Variants in CCPG1 observed in about 807,000 individuals in gnomAD.
The protein encoded by CCPG1 is cell cycle progression protein 1.
In CCPG1, 46 loss-of-function variants were observed where a neutral mutation model predicts 81.3. The ratio of observed to expected loss-of-function variants is 0.57; its 90% CI spans 0.45 to 0.72. The LOEUF is 0.72. CCPG1 is among the 30% of genes least tolerant of loss of function. The pLI is 0.00. For missense variants in CCPG1, 902 were observed against 937.6 expected (o/e 0.96, Z 0.50); for synonymous variants, 330 against 305.2 (o/e 1.08, Z -0.85).
At chr15:55,385,027 CT>C (rs2056772061) in intron 3 of CCPG1, among the ~76,000 whole-genome samples, 1 of 152,110 alleles carries the variant, frequency 6.6e-6, no homozygotes, top group Non-Finnish European at 1.5e-5. Context: ...CCATGAAACA[CT>C]TTTTTTGTCA....
At chr15:55,392,233 G>C (rs1182081984) in intron 1 of CCPG1, among the ~76,000 whole-genome samples, 88 of 122,656 alleles carry the variant, frequency 7.2e-4, no homozygotes, top group African/African-American at 2.5e-3. Context: ...TTTTTTTTGA[G>C]ACGGAGTCTC....
intron 1 of CCPG1, among the ~76,000 whole-genome samples, chr15:55,393,964 T>C (rs946665194): frequency 1.3e-5 from 2 of 152,170 alleles, no homozygotes; most frequent in Non-Finnish European, 2.9e-5. Context: ...TGTACTTTCA[T>C]TTTCAATAAA....
intron 1 of CCPG1, among the ~76,000 whole-genome samples, chr15:55,393,747 C>T (rs559362224): frequency 4.0e-5 from 6 of 150,774 alleles, no homozygotes; most frequent in Admixed American, 2.0e-4. Flanking sequence ...AACATTAGGC[C>T]GATTCACACT....
At chr15:55,389,603 G>A (rs1187375440) in intron 1 of CCPG1, among the ~76,000 whole-genome samples, 170 bp from the exon 2 acceptor site, 3 of 152,162 alleles carry the variant, frequency 2.0e-5, no homozygotes, top group Non-Finnish European at 4.4e-5. Flanking sequence ...ATACCTGTAT[G>A]AACAGATAGA....
chr15:55,398,736 C>T (rs1199493602), intron 1 of CCPG1, among the ~76,000 whole-genome samples: 1 of 152,036 alleles, frequency 6.6e-6, no homozygotes, highest in Non-Finnish European at 1.5e-5. Flanking sequence ...TGCGCACCAC[C>T]ATGCCGAGCT....
At chr15:55,358,331 T>C (rs926623166) in intron 8 of CCPG1, 2 of 973,900 alleles carry the variant, frequency 2.1e-6, no homozygotes, top group African/African-American at 3.5e-5. Context: ...ACTGGGGGTC[T>C]TGGAACATAT....
At chr15:55,377,217 A>G in intron 4 of CCPG1, 67 bp from the exon 5 acceptor site, 1 of 1,063,300 alleles carries the variant, frequency 9.4e-7, no homozygotes, top group Non-Finnish European at 1.4e-6. Flanking sequence ...TTTTCTTAGA[A>G]TACAACAGTA....
intron 1 of CCPG1, among the ~76,000 whole-genome samples, chr15:55,398,926 A>G (rs749755505): frequency 1.8e-4 from 27 of 152,136 alleles, no homozygotes; most frequent in Non-Finnish European, 3.1e-4. Context: ...ACATATGAAA[A>G]TATTTTAAAT....
intron 3 of CCPG1, among the ~76,000 whole-genome samples, chr15:55,380,590 C>G (rs1187998238): frequency 6.6e-6 from 1 of 151,716 alleles, no homozygotes; most frequent in Non-Finnish European, 1.5e-5. Context: ...CTACCGCGCC[C>G]GGTCGATCAT....
intron 2 of CCPG1, among the ~76,000 whole-genome samples, chr15:55,388,787 T>C (rs899509184): frequency 2.8e-5 from 4 of 142,196 alleles, no homozygotes; most frequent in African/African-American, 7.9e-5. Context: ...AAAGACAAAA[T>C]TGGCCAGGCA....
At chr15:55,376,446 C>T (rs16976307) in intron 5 of CCPG1, among the ~76,000 whole-genome samples, 1 of 152,014 alleles carries the variant, frequency 6.6e-6, no homozygotes, top group Non-Finnish European at 1.5e-5. Context: ...CTGAAGGTCA[C>T]GAGCTTTGGA....
At chr15:55,358,738 G>C (rs1595817079) in intron 8 of CCPG1, 1 of 985,242 alleles carries the variant, frequency 1.0e-6, no homozygotes, top group Non-Finnish European at 1.2e-6. Context: ...GAGCTCCTTT[G>C]AAGCAAAAAT....
At chr15:55,361,302 T>C (rs2056189793) in intron 7 of CCPG1, among the ~76,000 whole-genome samples, 1 of 151,614 alleles carries the variant, frequency 6.6e-6, no homozygotes, top group Admixed American at 6.6e-5. Flanking sequence ...GCTGGCATTA[T>C]AGGCATGAAC....
intron 8 of CCPG1, chr15:55,357,445 CCAATA>C: frequency 1.0e-6 from 1 of 985,312 alleles, no homozygotes; most frequent in Non-Finnish European, 1.2e-6. Context: ...TAGGCTGCTA[CCAATA>C]CATTAGTCCC....
chr15:55,366,308 A>AT (rs61214049), intron 6 of CCPG1, among the ~76,000 whole-genome samples: 26 of 147,844 alleles, frequency 1.8e-4, no homozygotes, highest in Admixed American at 2.7e-4. Flanking sequence ...AAAAATGAAA[A>AT]TTTTTTTTTT....
At chr15:55,388,420 T>A (rs2056847415) in intron 2 of CCPG1, among the ~76,000 whole-genome samples, 1 of 152,216 alleles carries the variant, frequency 6.6e-6, no homozygotes. Flanking sequence ...TCTGGCCTTT[T>A]CCCTGTGAAG....
intron 1 of CCPG1, among the ~76,000 whole-genome samples, chr15:55,394,859 C>A (rs1247834227): frequency 6.6e-6 from 1 of 151,774 alleles, no homozygotes; most frequent in Non-Finnish European, 1.5e-5. Flanking sequence ...GAAGCCAGAG[C>A]CTGCATGATT....
chr15:55,389,497 T>C, intron 1 of CCPG1, 64 bp from the exon 2 acceptor site: 3 of 1,098,582 alleles, frequency 2.7e-6, no homozygotes, highest in Admixed American at 3.6e-5. Flanking sequence ...GGAAGCACTA[T>C]ATGTGACACT....
intron 5 of CCPG1, 77 bp downstream of exon 5, chr15:55,376,872 T>C: frequency 1.9e-6 from 2 of 1,038,852 alleles, no homozygotes; most frequent in Non-Finnish European, 2.9e-6. Flanking sequence ...GAGACTAAAT[T>C]ATTAGGGGTA....
Sources: allele counts gnomAD v4.1 joint callset (sites outside exome capture counted in the v4.1 genomes callset), GRCh38; gene constraint gnomAD v4.1.1; transcripts MANE v1.5; gene names NCBI Gene and HGNC (gene_info 2026-07-23, HGNC 2026-07-21).